MKLN1: variants seen among roughly 807,000 people sequenced by gnomAD.
MKLN1 encodes muskelin.
In MKLN1, 18 loss-of-function variants were observed where a neutral mutation model predicts 99.0. The observed-to-expected ratio is 0.18, with a 90% confidence interval of 0.13 to 0.27. MKLN1 has a LOEUF of 0.27. Ranked by LOEUF, MKLN1 falls within the 10% of genes least tolerant of loss-of-function variation. The pLI is 1.00. For synonymous variants in MKLN1, 288 were observed against 293.2 expected (o/e 0.98, Z 0.18); for missense variants, 621 against 875.9 (o/e 0.71, Z 3.67).
intron 4 of MKLN1, among the ~76,000 whole-genome samples, chr7:131,393,616 G>T (rs908008120): frequency 7.2e-6 from 1 of 139,282 alleles, no homozygotes; most frequent in Admixed American, 6.8e-5. Flanking sequence ...AAAGGTTTTT[G>T]TTTTGTTTTG....
chr7:131,384,616 T>C (rs1793952731), intron 2 of MKLN1, among the ~76,000 whole-genome samples: 2 of 152,212 alleles, frequency 1.3e-5, no homozygotes. Flanking sequence ...CGATTTGTTA[T>C]AATTTGTTAT....
chr7:131,155,261 T>G lies in MKLN1; in HGVS notation c.-297+12320T>G, dbSNP rs796248422. On this transcript the variant is annotated intron_variant, in intron 2 of 7. Transcript: ENST00000416992. ...ATGTGTATATGGAAGAGCTATTTCA[T>G]CACCAAGCTATTCTGCATTTGAAAC... Among the ~76,000 whole-genome samples, 4 of 152,198 alleles carry G rather than the reference T, an allele frequency of 2.6e-5. No individual in the cohort carries two copies. The South Asian group carries it at 8.3e-4, about 31-fold the overall frequency.
intron 15 of MKLN1, 99 bp from the exon 16 acceptor site, chr7:131,470,743 C>G (rs1202335442): frequency 3.9e-6 from 3 of 776,270 alleles, no homozygotes; most frequent in Admixed American, 2.3e-5. Context: ...AGAACAACTC[C>G]TCATACTCAG....
chr7:131,159,596 T>A (rs184304216), intron 2 of MKLN1, among the ~76,000 whole-genome samples: 193 of 152,156 alleles, frequency 1.3e-3, no homozygotes, highest in Non-Finnish European at 2.0e-3. Flanking sequence ...GGAAGGGATG[T>A]TGGCTAATGG....
intron 3 of MKLN1, among the ~76,000 whole-genome samples, chr7:131,291,781 A>G (rs1346361245): frequency 5.6e-5 from 8 of 142,414 alleles, no homozygotes; most frequent in African/African-American, 7.8e-5. Flanking sequence ...AAAAAAAAAG[A>G]AAAAAAAGAC....
chr7:131,137,866 C>T (rs1305762767), intron 1 of MKLN1, among the ~76,000 whole-genome samples: 1 of 151,828 alleles, frequency 6.6e-6, no homozygotes, highest in Non-Finnish European at 1.5e-5. Context: ...TGAGCCACTG[C>T]ACCCGGCCAG....
At chr7:131,466,024 T>A (rs973954345) in intron 14 of MKLN1, among the ~76,000 whole-genome samples, 7 of 152,354 alleles carry the variant, frequency 4.6e-5, no homozygotes, top group Non-Finnish European at 8.8e-5. Flanking sequence ...TTTTGTTTCA[T>A]ACCTTCCACT....
rs533168135 is a variant in MKLN1 at position 131,266,048 on chromosome 7, C to T, written c.-179+63074C>T. ...AATTAGCCAGACATGGTGGTGTGCA[C>T]CTGTAGTCCCAGCTGCTTGGGAGGC... On this transcript the variant is annotated intron_variant, in intron 3 of 7. Transcript: ENST00000416992. Among the ~76,000 whole-genome samples, 19 of 152,158 alleles carry T rather than the reference C, an allele frequency of 1.2e-4. No homozygotes were observed. In the South Asian group the frequency reaches 2.1e-3, roughly 17 times the overall value.
chr7:131,233,132 G>A (rs191032743), intron 3 of MKLN1, among the ~76,000 whole-genome samples: 150 of 152,208 alleles, frequency 9.9e-4, no homozygotes, highest in African/African-American at 3.5e-3. Flanking sequence ...TTGAGCCCAC[G>A]AGTTCGAGAC....
intron 2 of MKLN1, among the ~76,000 whole-genome samples, chr7:131,159,119 G>A (rs759122634): frequency 9.9e-5 from 15 of 152,148 alleles, no homozygotes; most frequent in Admixed American, 7.9e-4. Context: ...GCCTGAGCCC[G>A]GAGGTGGAGG....
chr7:131,117,459 CAAACA>C (rs1795295609), intron 1 of MKLN1, among the ~76,000 whole-genome samples: 1 of 62,402 alleles, frequency 1.6e-5, no homozygotes, highest in Non-Finnish European at 4.3e-5. Flanking sequence ...ACAACAACAA[CAAACA>C]AACAAACAAA....
At chr7:131,471,338 T>C (rs1361782397) in intron 16 of MKLN1, among the ~76,000 whole-genome samples, 1 of 152,226 alleles carries the variant, frequency 6.6e-6, no homozygotes, top group Non-Finnish European at 1.5e-5. Context: ...AACTCCCCTG[T>C]TGCTTAGGGA....
Position 131,443,674 on chromosome 7 carries a change from G to C in MKLN1, c.1367G>C (p.Arg456Pro). 3 of 1,613,228 alleles carry C rather than the reference G, an allele frequency of 1.9e-6. No homozygotes were observed. Among genetic ancestry groups the C allele is most frequent in the Non-Finnish European group, 2.5e-6 (3 of 1,179,228 alleles). Residue 456 changes from arginine (R) to proline (P), a missense_variant, in exon 11 of 18, where the codon CGA (arginine) becomes CCA (proline). Coordinates refer to ENST00000352689, the MANE Select transcript of MKLN1 (RefSeq NM_013255.5). The stretch of plus-strand genomic sequence containing the variant: ...GCTGGGCCTGAGGACATCCAGTCTC[G>C]AATAGGACACTGCATGTTATTCCAC... ...CNAGPEDIQS[R>P]IGHCMLFHSK...
intron 4 of MKLN1, among the ~76,000 whole-genome samples, chr7:131,396,052 A>C (rs538660058): frequency 6.6e-6 from 1 of 150,734 alleles, no homozygotes; most frequent in Non-Finnish European, 1.5e-5. Context: ...ACAAATAAAA[A>C]GTTTTTCAAT....
chr7:131,372,684 T>C (rs1009070480), intron 1 of MKLN1, among the ~76,000 whole-genome samples: 6 of 151,688 alleles, frequency 4.0e-5, no homozygotes, highest in African/African-American at 1.2e-4. Flanking sequence ...TCTTCTAAAG[T>C]GTGCTTTGAT....
chr7:131,382,374 AAAAAAACAAAATTAATATACAAGTC>A, intron 2 of MKLN1, among the ~76,000 whole-genome samples: 1 of 152,140 alleles, frequency 6.6e-6, no homozygotes, highest in Non-Finnish European at 1.5e-5. Flanking sequence ...TTCTCCCAAA[AAAAAAACAAAATTAATATACAAGTC>A]TTTGTGGTTT....
intron 6 of MKLN1, among the ~76,000 whole-genome samples, chr7:131,405,096 A>G (rs1426525317): frequency 6.6e-6 from 1 of 152,024 alleles, no homozygotes; most frequent in African/African-American, 2.4e-5. Context: ...TTTTTCTAGG[A>G]ATTGTCTATA....
intron 6 of MKLN1, among the ~76,000 whole-genome samples, chr7:131,400,325 A>G (rs1049075142): frequency 6.6e-6 from 1 of 151,832 alleles, no homozygotes; most frequent in Non-Finnish European, 1.5e-5. Flanking sequence ...ACTTAAAATG[A>G]ATTGCTTTGA....
intron 1 of MKLN1, among the ~76,000 whole-genome samples, chr7:131,332,163 C>A (rs368296621): frequency 1.3e-5 from 2 of 151,566 alleles, no homozygotes; most frequent in Non-Finnish European, 2.9e-5. Context: ...AGGCTAGGCA[C>A]GGTGGCTCAT....
Sources: allele counts gnomAD v4.1 joint callset (sites outside exome capture counted in the v4.1 genomes callset), GRCh38; gene constraint gnomAD v4.1.1; transcripts MANE v1.5; gene names NCBI Gene and HGNC (gene_info 2026-07-23, HGNC 2026-07-21).